The following ETV6 variants were observed in gnomAD, a reference collection of about 807,000 sequenced individuals.
ETV6 encodes transcription factor ETV6.
ETV6 carries 16 observed loss-of-function variants against 51.1 expected under a neutral mutation model. The ratio of observed to expected loss-of-function variants is 0.31; its 90% confidence interval spans 0.21 to 0.48. The LOEUF is 0.48. ETV6 is among the 20% of genes least tolerant of loss of function. The pLI, the probability that ETV6 is intolerant of heterozygous loss-of-function variation, is 0.99. For missense variants in ETV6, 458 were observed against 594.8 expected, an observed-to-expected ratio of 0.77 and a Z score of 2.39; for synonymous variants, 240 against 224.1, an observed-to-expected ratio of 1.07 and a Z score of -0.64.
chr12:11,756,407 A>G (rs1341224635), intron 2 of ETV6, among the ~76,000 whole-genome samples: 2 of 152,212 alleles, frequency 1.3e-5, no homozygotes, highest in Non-Finnish European at 2.9e-5. Flanking sequence ...CTCTTCTTCC[A>G]TAAAGGGTAC....
At chr12:11,750,401 C>T (rs921372445) in intron 1 of ETV6, among the ~76,000 whole-genome samples, 10 of 152,082 alleles carry the variant, frequency 6.6e-5, no homozygotes, top group East Asian at 1.9e-4. Flanking sequence ...TTGGGGCAGG[C>T]GGGGATGAGG....
intron 2 of ETV6, among the ~76,000 whole-genome samples, chr12:11,762,274 G>A (rs1945096948): frequency 6.6e-6 from 1 of 152,204 alleles, no homozygotes; most frequent in East Asian, 1.9e-4. Flanking sequence ...AGAATTGTCT[G>A]TGGCTTGGCC....
chr12:11,816,924 G>A (rs1946002153), intron 2 of ETV6, among the ~76,000 whole-genome samples: 1 of 152,202 alleles, frequency 6.6e-6, no homozygotes, highest in Non-Finnish European at 1.5e-5. Flanking sequence ...AGCCCAGTTA[G>A]GATGTTCACA....
At chr12:11,859,709 G>T (rs1189126001) in intron 4 of ETV6, among the ~76,000 whole-genome samples, 1 of 152,160 alleles carries the variant, frequency 6.6e-6, no homozygotes, top group Non-Finnish European at 1.5e-5. Flanking sequence ...TGCGCAGAAT[G>T]AGGAGACCAA....
rs116544562 is a variant in ETV6, at chr12:11,751,516, C to T, written c.34-934C>T. On this transcript the variant is annotated intron_variant, in intron 1 of 7. Transcript: ENST00000396373. ...TTGATCTAAGCTACAAATTGCACTGCTGTTTTGCCGAACCCAACAGTCGGT... is the reference window on the plus strand; with the variant it reads ...TTGATCTAAGCTACAAATTGCACTGTTGTTTTGCCGAACCCAACAGTCGGT... 1,799 of 507,502 alleles carry T rather than the reference C, an allele frequency of 3.5e-3. 31 individuals carry two copies. Among genetic ancestry groups the T allele is most frequent in the African/African-American group, 0.031 (1,606 of 51,754 alleles). 31.4% of individuals were successfully genotyped at this position (507,502 alleles called of 1,614,324 possible). A position where few individuals can be genotyped will look rare whatever the true frequency, so the allele number is the denominator to read the frequency against.
At chr12:11,804,220 A>G (rs1034876315) in intron 2 of ETV6, among the ~76,000 whole-genome samples, 1 of 152,202 alleles carries the variant, frequency 6.6e-6, no homozygotes, top group Non-Finnish European at 1.5e-5. Context: ...AGTGTCTACC[A>G]AGGAATTCAC....
intron 1 of ETV6, among the ~76,000 whole-genome samples, chr12:11,707,506 A>C (rs1475913306): frequency 6.6e-6 from 1 of 152,150 alleles, no homozygotes; most frequent in African/African-American, 2.4e-5. Flanking sequence ...GGTGTTGAGA[A>C]TTCTGTCATC....
In ETV6 at chr12:11,778,811, C is replaced by A. The variant is rs149775050; in HGVS notation, c.163+26232C>A. Among the ~76,000 whole-genome samples the A allele has an allele frequency of 1.3e-4, 20 of 152,272 alleles. No individual in the cohort carries two copies. The East Asian group carries it at 3.7e-3, about 28-fold the overall frequency. On this transcript the variant is annotated intron_variant, in intron 2 of 7. Transcript: ENST00000396373. ...TTCTTTCTTTAAGATTGGAGCCCTC[C>A]GTGTGAGTGATTTCAGGATAAAAGG...
At chr12:11,700,434 C>A (rs1003693890) in intron 1 of ETV6, among the ~76,000 whole-genome samples, 3 of 152,146 alleles carry the variant, frequency 2.0e-5, no homozygotes, top group Non-Finnish European at 4.4e-5. Context: ...CCTGTATACC[C>A]ATTCTTTAGC....
At position 11,839,162 on chromosome 12, in the gene ETV6, C is replaced by T; in HGVS notation, c.186C>T (p.Ser62=). 2 of 1,614,082 alleles carry T rather than the reference C, an allele frequency of 1.2e-6. No homozygotes were observed. Among genetic ancestry groups the T allele is most frequent in the Non-Finnish European group, 1.7e-6 (2 of 1,179,908 alleles). The change falls in exon 3 of 8, where the codon AGC becomes AGT. Residue 62 remains serine (S), a synonymous_variant. Coordinates refer to ENST00000396373, the MANE Select transcript of ETV6 (RefSeq NM_001987.5). The stretch of plus-strand genomic sequence containing the variant: ...CAGGCTTGCAGCCAATTTACTGGAG[C>T]AGGGATGACGTAGCCCAGTGGCTCA... ...AHLRLQPIYW[S]RDDVAQWLKW...
At chr12:11,745,693 G>C (rs1042144844) in intron 1 of ETV6, among the ~76,000 whole-genome samples, 4 of 152,144 alleles carry the variant, frequency 2.6e-5, no homozygotes, top group African/African-American at 9.7e-5. Context: ...ATGTTGGCAG[G>C]CTTCTTTCCT....
intron 4 of ETV6, among the ~76,000 whole-genome samples, chr12:11,867,430 T>G (rs1391330077): frequency 6.6e-6 from 1 of 152,212 alleles, no homozygotes; most frequent in Non-Finnish European, 1.5e-5. Context: ...TGATAGCTAT[T>G]CCAATGATGA....
chr12:11,787,158 C>T (rs1221570246), intron 2 of ETV6, among the ~76,000 whole-genome samples: 1 of 152,172 alleles, frequency 6.6e-6, no homozygotes, highest in Non-Finnish European at 1.5e-5. Flanking sequence ...TGAGGTTGCT[C>T]TGCTTATGGC....
rs553560872 is a variant in ETV6, at chr12:11,685,964, T to G, written c.33+35804T>G. ...GTCCACAGTGGAAGTATTTGTTGAT[T>G]CACATATTTTCTTTTTACAAGAAAA... On this transcript the variant is annotated intron_variant, in intron 1 of 7. Transcript: ENST00000396373. 5.3e-5 allele frequency among the ~76,000 whole-genome samples: 8 copies of G among 152,350 alleles called. No individual in the cohort carries two copies. In the East Asian group the frequency reaches 1.3e-3, roughly 26 times the overall value.
At chr12:11,742,467 G>A (rs1865827419) in intron 1 of ETV6, among the ~76,000 whole-genome samples, 1 of 152,020 alleles carries the variant, frequency 6.6e-6, no homozygotes, top group Non-Finnish European at 1.5e-5. Flanking sequence ...TATGACTTCT[G>A]GAAAAAATTT....
At chr12:11,858,632 A>T (rs1946667280) in intron 4 of ETV6, among the ~76,000 whole-genome samples, 1 of 152,146 alleles carries the variant, frequency 6.6e-6, no homozygotes, top group African/African-American at 2.4e-5. Flanking sequence ...GAGCTTGATA[A>T]TTTCAGCTCT....
rs1865022253 is a variant in ETV6, at chr12:11,703,569, A to G, written c.34-48881A>G. Among the ~76,000 whole-genome samples, 4 of 152,120 alleles carry G rather than the reference A, an allele frequency of 2.6e-5. No individual in the cohort carries two copies. The South Asian group carries it at 8.3e-4, about 31-fold the overall frequency. On this transcript the variant is annotated intron_variant, in intron 1 of 7. Transcript: ENST00000396373. ...CTCTGCCCTTATGGGGCTTTCACCT[A>G]GCGGCCATGTTTCCATTGTGCAGTT...
chr12:11,793,574 G>A (rs1412276110), intron 2 of ETV6, among the ~76,000 whole-genome samples: 2 of 152,210 alleles, frequency 1.3e-5, no homozygotes, highest in Non-Finnish European at 2.9e-5. Flanking sequence ...AAGGTCACAA[G>A]GTCACACAGA....
intron 2 of ETV6, among the ~76,000 whole-genome samples, chr12:11,793,914 T>C (rs543517466): frequency 1.6e-4 from 24 of 152,340 alleles, no homozygotes; most frequent in Middle Eastern, 6.8e-3. Flanking sequence ...TTTTTCTTTT[T>C]TTCTTCATCA....
Sources: allele counts gnomAD v4.1 joint callset (sites outside exome capture counted in the v4.1 genomes callset), GRCh38; gene constraint gnomAD v4.1.1; transcripts MANE v1.5; gene names NCBI Gene and HGNC (gene_info 2026-07-23, HGNC 2026-07-21).